Variants in PCDHGB1 observed in about 807,000 individuals in gnomAD.
PCDHGB1 encodes the protein protocadherin gamma-B1.
In PCDHGB1, 34 loss-of-function variants were observed where a neutral mutation model predicts 56.6. The observed-to-expected ratio is 0.60, with a 90% CI of 0.46 to 0.80. PCDHGB1 has a LOEUF of 0.80. Among genes scored for constraint, PCDHGB1 ranks in the 30% least tolerant of loss-of-function variants. The probability of loss-of-function intolerance (pLI) is 0.00; values close to 1 mark genes in which losing one functional copy is unlikely to be tolerated. For missense variants in PCDHGB1, 1,278 were observed against 1,204.6 expected (o/e 1.06, Z -0.90); for synonymous variants, 561 against 505.9 (o/e 1.11, Z -1.46).
At chr5:141,375,611 G>C (rs1049659012) in intron 1 of PCDHGB1, 3 of 1,614,060 alleles carry the variant, frequency 1.9e-6, no homozygotes, top group African/African-American at 1.3e-5. Context: ...CATCAACTCC[G>C]ACACTGGGAT....
intron 1 of PCDHGB1, chr5:141,420,165 C>T: frequency 6.2e-7 from 1 of 1,614,022 alleles, no homozygotes; most frequent in South Asian, 1.1e-5. Flanking sequence ...AATTTTTTCA[C>T]ATCTGTTGAT....
At chr5:141,500,436 C>G (rs1318326111) in intron 2 of PCDHGB1, among the ~76,000 whole-genome samples, 2 of 151,836 alleles carry the variant, frequency 1.3e-5, no homozygotes, top group African/African-American at 2.4e-5. Flanking sequence ...GTCTCGATCT[C>G]CTGACCTCGT....
intron 1 of PCDHGB1, chr5:141,383,286 C>T (rs373163257): frequency 4.3e-6 from 7 of 1,613,770 alleles, no homozygotes; most frequent in African/African-American, 1.3e-5. Flanking sequence ...TTAATGACAA[C>T]GTTCCAAGAT....
In PCDHGB1 at chr5:141,351,353, A is replaced by T; in HGVS notation, c.1093A>T (p.Ile365Leu). The change falls in exon 1 of 4, where the codon ATA (isoleucine) becomes TTA (leucine). Residue 365 changes from isoleucine to leucine, a missense_variant. Coordinates refer to ENST00000523390, the MANE Select transcript of PCDHGB1 (RefSeq NM_018922.3). ...DSDLGTVIAL[I>L]KVRDKDSGQN... ...AGACCTTGGAACTGTAATAGCCCTC[A>T]TAAAAGTGCGAGACAAGGATTCTGG... The T allele has an allele frequency of 6.2e-7, 1 of 1,613,362 alleles. No homozygotes were observed. The highest frequency in any genetic ancestry group is 1.1e-5 in the South Asian group (1 of 90,962).
chr5:141,467,015 T>C (rs1423064392), intron 1 of PCDHGB1, among the ~76,000 whole-genome samples: 1 of 152,072 alleles, frequency 6.6e-6, no homozygotes. Flanking sequence ...GCAATTTTTT[T>C]CCCTTTGTTT....
At chr5:141,449,016 C>T (rs2098623330) in intron 1 of PCDHGB1, among the ~76,000 whole-genome samples, 1 of 152,008 alleles carries the variant, frequency 6.6e-6, no homozygotes, top group African/African-American at 2.4e-5. Context: ...TTAACAGTTG[C>T]TTAGCATTCC....
chr5:141,401,516 T>G (rs375937507), intron 1 of PCDHGB1, among the ~76,000 whole-genome samples: 3 of 152,320 alleles, frequency 2.0e-5, no homozygotes, highest in South Asian at 2.1e-4. Context: ...CTCTATATAA[T>G]TACCAGAAGA....
Position 141,487,421 on chromosome 5 carries a change from C to T in PCDHGB1, c.2410-7386C>T. ...GGGGCTTCCCCCTTCCAATGGGATC[C>T]TCCGAATCCAGCTAGGGTCAGATGA... On this transcript the variant is annotated intron_variant, in intron 1 of 3. Coordinates refer to ENST00000523390, the MANE Select transcript of PCDHGB1 (RefSeq NM_018922.3). This position sits in a 1 kb window ranked among gnomAD's most constrained non-coding sequence, Gnocchi z 5.0. The T allele has an allele frequency of 6.2e-7, 1 of 1,614,144 alleles. No homozygotes were observed. The highest frequency in any genetic ancestry group is 1.1e-5 in the South Asian group (1 of 91,082).
chr5:141,356,817 C>A (rs553662641), intron 1 of PCDHGB1: 16 of 1,613,926 alleles, frequency 9.9e-6, no homozygotes, highest in Middle Eastern at 1.6e-4. Flanking sequence ...ACAGTGGAGA[C>A]CCTCCACTCA....
At position 141,485,682 on chromosome 5, in the gene PCDHGB1, A is replaced by T. The variant is rs779441999; in HGVS notation, c.2410-9125A>T. 6.2e-7 allele frequency: 1 copy of T among 1,613,958 alleles called. No individual in the cohort carries two copies. Among genetic ancestry groups the T allele is most frequent in the Non-Finnish European group, 8.5e-7 (1 of 1,179,972 alleles). On this transcript the variant is annotated intron_variant, in intron 1 of 3. Transcript: ENST00000523390. This position sits in a 1 kb window ranked among gnomAD's most constrained non-coding sequence, Gnocchi z 5.7. ...GTGGGGAGCAATTCGATTAGCAGCT[A>T]TAGGCTGAGCTCCAATGAACACTTT...
intron 1 of PCDHGB1, among the ~76,000 whole-genome samples, chr5:141,482,782 G>T (rs775083331): frequency 1.6e-4 from 25 of 152,154 alleles, no homozygotes; most frequent in Non-Finnish European, 3.2e-4. Context: ...ACCTTAAACT[G>T]TGTGTGTGGC....
intron 1 of PCDHGB1, chr5:141,379,744 G>T (rs1333166422): frequency 6.6e-6 from 1 of 152,052 alleles, no homozygotes; most frequent in African/African-American, 2.4e-5. Flanking sequence ...GCTAAATGAG[G>T]TTCTTTAATC....
intron 1 of PCDHGB1, chr5:141,422,871 G>T (rs769543752): frequency 3.7e-6 from 6 of 1,614,098 alleles, no homozygotes; most frequent in Non-Finnish European, 5.1e-6. Context: ...GCAACGTGTC[G>T]CTGAGCCTGT....
chr5:141,493,979 C>T lies in PCDHGB1; in HGVS notation c.2410-828C>T, dbSNP rs1273325447. ...GAAGTGGCTGGCCAGAGCCCCACAC[C>T]TTCAGCTAGGTGGGAGATGGCTACA... is the stretch of plus-strand genomic sequence containing the variant. On this transcript the variant is annotated intron_variant, in intron 1 of 3. Coordinates refer to ENST00000523390, the MANE Select transcript of PCDHGB1 (RefSeq NM_018922.3). The surrounding 1 kb of genome is among the most constrained non-coding windows in gnomAD (Gnocchi z 4.3). Among the ~76,000 whole-genome samples, 1 of 152,182 alleles carries T rather than the reference C, an allele frequency of 6.6e-6. No individual in the cohort carries two copies. Among genetic ancestry groups the T allele is most frequent in the Non-Finnish European group, 1.5e-5 (1 of 68,032 alleles).
At position 141,487,946 on chromosome 5, in the gene PCDHGB1, C is replaced by G. The variant is rs187890859; in HGVS notation, c.2410-6861C>G. 7.9e-5 allele frequency among the ~76,000 whole-genome samples: 12 copies of G among 152,298 alleles called. No homozygotes were observed. The highest frequency in any genetic ancestry group is 7.8e-4 in the Admixed American group (12 of 15,304). Reference sequence around the variant, plus strand: ...AGTGCACAGGGTACAGTGCACCAGGCAGTCACTTGGACAAAGGTGGCTGTT... The same window carrying G: ...AGTGCACAGGGTACAGTGCACCAGGGAGTCACTTGGACAAAGGTGGCTGTT... On this transcript the variant is annotated intron_variant, in intron 1 of 3. Transcript: ENST00000523390. The surrounding 1 kb of genome is among the most constrained non-coding windows in gnomAD (Gnocchi z 5.0).
intron 1 of PCDHGB1, among the ~76,000 whole-genome samples, chr5:141,445,447 A>G (rs974383838): frequency 3.4e-4 from 51 of 152,222 alleles, no homozygotes; most frequent in Admixed American, 1.3e-3. Flanking sequence ...TGGACTAAGG[A>G]TGCAGCAATG....
At chr5:141,405,498 C>T in intron 1 of PCDHGB1, 2 of 784,948 alleles carry the variant, frequency 2.5e-6, no homozygotes, top group Admixed American at 2.7e-5. Flanking sequence ...CGGCTCATTG[C>T]AACCTCCGCC....
chr5:141,399,078 G>C (rs2093750242), intron 1 of PCDHGB1: 1 of 1,613,746 alleles, frequency 6.2e-7, no homozygotes, highest in African/African-American at 1.3e-5. Context: ...TTGTAGAAGG[G>C]AGGGATGGTG....
chr5:141,362,274 G>T lies in PCDHGB1; in HGVS notation c.2409+9605G>T. ...TCGCGGTGATTCTGGCAATCTCCCTGCGCCTGCGACTCTCTTCCAGGTCAG... is the reference window on the plus strand; with the variant it reads ...TCGCGGTGATTCTGGCAATCTCCCTTCGCCTGCGACTCTCTTCCAGGTCAG... On this transcript the variant is annotated intron_variant, in intron 1 of 3. Transcript: ENST00000523390. 4 of 1,614,018 alleles carry T rather than the reference G, an allele frequency of 2.5e-6. No homozygotes were observed. The East Asian group carries it at 8.9e-5, about 36-fold the overall frequency.
Sources: allele counts gnomAD v4.1 joint callset (sites outside exome capture counted in the v4.1 genomes callset), GRCh38; gene constraint gnomAD v4.1.1; non-coding constraint Gnocchi (gnomAD v3.1); transcripts MANE v1.5; gene names NCBI Gene and HGNC (gene_info 2026-07-23, HGNC 2026-07-21).